The following CDH13 variants were observed in gnomAD, a reference collection of about 807,000 sequenced individuals.
The protein encoded by CDH13 is cadherin 13.
In CDH13, 24 loss-of-function variants were observed where a neutral mutation model predicts 63.8. That is an observed-to-expected ratio of 0.38 (90% CI 0.27 to 0.53). CDH13 has a LOEUF of 0.53. Ranked by LOEUF, CDH13 falls within the 20% of genes least tolerant of loss-of-function variation. CDH13 has a pLI of 0.85. For missense variants in CDH13, 1,049 were observed against 903.1 expected (o/e 1.16, Z -2.07); for synonymous variants, 503 against 355.3 (o/e 1.42, Z -4.67).
chr16:83,453,739 C>T (rs1462388057), intron 6 of CDH13, among the ~76,000 whole-genome samples: 1 of 151,552 alleles, frequency 6.6e-6, no homozygotes, highest in Non-Finnish European at 1.5e-5. Context: ...AAAAAGGAAA[C>T]TCTTTATCCA....
chr16:83,506,606 C>T (rs1371273168), intron 7 of CDH13, among the ~76,000 whole-genome samples: 1 of 152,220 alleles, frequency 6.6e-6, no homozygotes, highest in Non-Finnish European at 1.5e-5. Flanking sequence ...GTGATTCTCA[C>T]CTCATGGTAC....
chr16:82,809,012 C>A lies in CDH13; in HGVS notation c.46-49350C>A, dbSNP rs1044484761. ...GTGTATATGTATGGGTATATATACA[C>A]GTTATATATATGATTGTGAACATGC... On this transcript the variant is annotated intron_variant, in intron 1 of 13. Coordinates refer to ENST00000567109, the MANE Select transcript of CDH13 (RefSeq NM_001257.5). Among the ~76,000 whole-genome samples, 5 of 151,860 alleles carry A rather than the reference C, an allele frequency of 3.3e-5. No homozygotes were observed. The South Asian group carries it at 8.3e-4, about 25-fold the overall frequency.
At chr16:83,243,922 T>TTTCTTCTTCATTAACTATGAA (rs1365453001) in intron 5 of CDH13, among the ~76,000 whole-genome samples, 1 of 152,164 alleles carries the variant, frequency 6.6e-6, no homozygotes, top group Non-Finnish European at 1.5e-5. Flanking sequence ...TTTGAAGTGT[T>TTTCTTCTTCATTAACTATGAA]TTCTTCTTCA....
At chr16:82,650,313 C>G (rs948247978) in intron 1 of CDH13, among the ~76,000 whole-genome samples, 3 of 152,158 alleles carry the variant, frequency 2.0e-5, no homozygotes, top group African/African-American at 4.8e-5. Flanking sequence ...TTAGGAAGCA[C>G]TGGAGAGTGG....
chr16:82,863,045 C>G (rs957297642), intron 2 of CDH13, among the ~76,000 whole-genome samples: 20 of 152,208 alleles, frequency 1.3e-4, no homozygotes, highest in African/African-American at 3.1e-4. Flanking sequence ...TGTCGCCAAC[C>G]TAACTGCAAA....
chr16:82,720,414 A>G (rs148639613), intron 1 of CDH13, among the ~76,000 whole-genome samples: 6 of 152,258 alleles, frequency 3.9e-5, no homozygotes, highest in African/African-American at 7.2e-5. Context: ...TGCTTAGTCT[A>G]TAATAGTTTA....
At chr16:82,833,576 G>A (rs879835584) in intron 1 of CDH13, among the ~76,000 whole-genome samples, 10 of 152,192 alleles carry the variant, frequency 6.6e-5, no homozygotes, top group Non-Finnish European at 1.5e-4. Context: ...CCATTCCAGG[G>A]CTTTCCATTG....
chr16:83,488,033 C>G (rs1396680588), intron 7 of CDH13, among the ~76,000 whole-genome samples: 1 of 152,204 alleles, frequency 6.6e-6, no homozygotes, highest in Admixed American at 6.5e-5. Flanking sequence ...AGAAGATTCT[C>G]TTTCTCTTGG....
intron 7 of CDH13, among the ~76,000 whole-genome samples, chr16:83,551,056 A>ATCTATCTATCTATCTATC (rs33969753): frequency 1.1e-4 from 17 of 148,474 alleles, no homozygotes; most frequent in South Asian, 2.2e-4. Flanking sequence ...TAAGTCATTT[A>ATCTATCTATCTATCTATC]TATCTATCTA....
At position 83,795,375 on chromosome 16, in the gene CDH13, T is replaced by C. The variant is rs577384549; in HGVS notation, c.*345T>C. 1.8e-5 allele frequency: 6 copies of C among 325,218 alleles called. No individual in the cohort carries two copies. Among genetic ancestry groups the C allele is most frequent in the African/African-American group, 1.3e-4 (6 of 46,934 alleles). 20.1% of individuals were successfully genotyped at this position (325,218 alleles called of 1,614,324 possible). A position where few individuals can be genotyped will look rare whatever the true frequency, so the allele number is the denominator to read the frequency against. ...CAGGCACCCAGCTTTGTCTGTGGGT[T>C]AGTATTGGTGTATGTATGAGTATCT... On this transcript the variant is annotated 3_prime_UTR_variant, in exon 14 of 14. Coordinates refer to ENST00000567109, the MANE Select transcript of CDH13 (RefSeq NM_001257.5).
chr16:83,531,595 C>T (rs2075085309), intron 7 of CDH13, among the ~76,000 whole-genome samples: 1 of 152,188 alleles, frequency 6.6e-6, no homozygotes, highest in Non-Finnish European at 1.5e-5. Flanking sequence ...GCTCAATTAT[C>T]TAAGTTGTCC....
chr16:83,021,712 C>T (rs1567752298), intron 2 of CDH13, among the ~76,000 whole-genome samples: 1 of 152,188 alleles, frequency 6.6e-6, no homozygotes, highest in African/African-American at 2.4e-5. Flanking sequence ...GTTTGTTCTG[C>T]ACTTACCAAA....
intron 5 of CDH13, among the ~76,000 whole-genome samples, chr16:83,239,303 T>C (rs952986379): frequency 6.6e-6 from 1 of 152,172 alleles, no homozygotes; most frequent in Non-Finnish European, 1.5e-5. Flanking sequence ...ATGAAGTTAG[T>C]GATCTACCGC....
At chr16:83,696,396 G>C (rs1905409481) in intron 10 of CDH13, among the ~76,000 whole-genome samples, 1 of 151,888 alleles carries the variant, frequency 6.6e-6, no homozygotes, top group Non-Finnish European at 1.5e-5. Context: ...TTTGTGTCTG[G>C]GGCTTCTTTT....
At chr16:82,837,327 A>T (rs1295049361) in intron 1 of CDH13, among the ~76,000 whole-genome samples, 1 of 152,144 alleles carries the variant, frequency 6.6e-6, no homozygotes, top group African/African-American at 2.4e-5. Flanking sequence ...GGAAAAGTCC[A>T]TGTAAAGTGC....
intron 2 of CDH13, among the ~76,000 whole-genome samples, chr16:82,910,570 T>G (rs2041798980): frequency 1.3e-5 from 2 of 152,272 alleles, no homozygotes; most frequent in South Asian, 4.1e-4. Context: ...TAGTGATTGT[T>G]TCATTAAACT....
chr16:83,069,423 G>A (rs551360891), intron 3 of CDH13, among the ~76,000 whole-genome samples: 3 of 152,174 alleles, frequency 2.0e-5, no homozygotes, highest in South Asian at 2.1e-4. Context: ...CACCTACTAC[G>A]TGCCAGGCAT....
At chr16:83,566,577 C>T (rs986846346) in intron 7 of CDH13, among the ~76,000 whole-genome samples, 5 of 152,220 alleles carry the variant, frequency 3.3e-5, no homozygotes, top group South Asian at 4.2e-4. Context: ...GCTTCCTGTT[C>T]CCTGGACCCG....
chr16:83,438,885 A>C (rs1156287843), intron 6 of CDH13, among the ~76,000 whole-genome samples: 2 of 152,240 alleles, frequency 1.3e-5, no homozygotes, highest in Non-Finnish European at 2.9e-5. Context: ...GAAAACCTAC[A>C]ATAACTATTG....
Sources: gnomAD v4.1 joint callset for allele counts (sites outside exome capture counted in the v4.1 genomes callset) on GRCh38, gnomAD v4.1.1 for gene constraint, MANE v1.5 for transcripts, NCBI Gene and HGNC (gene_info 2026-07-23, HGNC 2026-07-21) for gene names.